ILDR2: variants seen among roughly 807,000 people sequenced by gnomAD.
The protein encoded by ILDR2 is immunoglobulin like domain containing receptor 2.
Under a neutral mutation model 66.8 loss-of-function variants are expected in ILDR2, and 25 were observed. The observed-to-expected ratio is 0.37, with a 90% CI of 0.27 to 0.52. The LOEUF (loss-of-function observed/expected upper bound fraction) is 0.52, where lower values mean the gene tolerates loss of function less well. Among genes scored for constraint, ILDR2 ranks in the 20% least tolerant of loss-of-function variants. The probability of loss-of-function intolerance (pLI) is 0.88; values close to 1 mark genes in which losing one functional copy is unlikely to be tolerated. For missense variants in ILDR2, 827 were observed against 876.8 expected, an observed-to-expected ratio of 0.94 and a Z score of 0.72; for synonymous variants, 367 against 357.2, an observed-to-expected ratio of 1.03 and a Z score of -0.31.
intron 3 of ILDR2, among the ~76,000 whole-genome samples, chr1:166,953,960 C>T (rs1662129830): frequency 6.6e-6 from 1 of 152,208 alleles, no homozygotes; most frequent in Admixed American, 6.5e-5. Context: ...GTGAGATAGA[C>T]TCCCTCCCTT....
chr1:166,915,772 T>C lies in ILDR2; in HGVS notation c.*3583A>G, dbSNP rs1327128366. ...TATTCAGAAATATTTACAGATGTGG[T>C]CAGGTGCCTTGGGTTTGGGTGGCAG... On this transcript the variant is annotated 3_prime_UTR_variant, in exon 10 of 10. Transcript: ENST00000271417. The C allele has an allele frequency of 6.6e-6, 1 of 152,200 alleles. No individual in the cohort carries two copies. Among genetic ancestry groups the C allele is most frequent in the East Asian group, 1.9e-4 (1 of 5,198 alleles). The allele number at this position is 152,200 out of a possible 1,614,324, so 9.4% of individuals were successfully genotyped here.
At chr1:166,957,745 G>C in intron 2 of ILDR2, 24 bp downstream of exon 2, 5 of 1,572,802 alleles carry the variant, frequency 3.2e-6, no homozygotes, top group Non-Finnish European at 4.3e-6. Context: ...CCATTTCCTA[G>C]ATTCAAAATA....
chr1:166,939,598 G>A (rs752982076), intron 3 of ILDR2, 28 bp from the exon 4 acceptor site: 7 of 1,607,532 alleles, frequency 4.4e-6, no homozygotes, highest in Non-Finnish European at 6.0e-6. Flanking sequence ...AAAAGAAGAA[G>A]GAAAGTGGTT....
chr1:166,902,617 A>G (rs970965716), intron 2 of ILDR2, among the ~76,000 whole-genome samples: 7 of 152,260 alleles, frequency 4.6e-5, no homozygotes, highest in African/African-American at 1.7e-4. Flanking sequence ...CACAAGAGGA[A>G]CCAGCATTAG....
Position 166,957,779 on chromosome 1 carries a change from CG to C in ILDR2, c.368del (p.Thr123ArgfsTer151). The C allele has an allele frequency of 6.2e-7, 1 of 1,610,330 alleles. No individual in the cohort carries two copies. The highest frequency in any genetic ancestry group is 8.5e-7 in the Non-Finnish European group (1 of 1,177,056). Reference protein sequence around the residue: ...LGDFYRGREITIVHDADLQIG... With the variant: ...LGDFYRGREIXIVHDADLQIG... The stretch of plus-strand genomic sequence containing the variant: ...TAGGGGCATTATTACCATGAACAAT[CG>C]TGATCTCTCTGCCCCTGTAGAAATC... On this transcript the variant is annotated frameshift_variant, in exon 2 of 10. Transcript: ENST00000271417. LOFTEE classifies it high-confidence loss of function.
intron 3 of ILDR2, among the ~76,000 whole-genome samples, chr1:166,941,813 A>C (rs537516607): frequency 9.2e-5 from 14 of 152,336 alleles, no homozygotes; most frequent in South Asian, 4.1e-4. Context: ...GATCCAAATC[A>C]TTACTTAAAT....
At chr1:166,926,427 A>G (rs182543102) in intron 7 of ILDR2, among the ~76,000 whole-genome samples, 1 of 151,994 alleles carries the variant, frequency 6.6e-6, no homozygotes, top group African/African-American at 2.4e-5. Flanking sequence ...TGACAAGAGG[A>G]TCAGCCTCTT....
At chr1:166,942,232 A>G (rs1183875969) in intron 3 of ILDR2, among the ~76,000 whole-genome samples, 1 of 152,220 alleles carries the variant, frequency 6.6e-6, no homozygotes, top group Non-Finnish European at 1.5e-5. Flanking sequence ...ACAATTAATT[A>G]TGTGGTCACT....
intron 6 of ILDR2, among the ~76,000 whole-genome samples, chr1:166,934,414 C>T (rs773623592): frequency 1.3e-5 from 2 of 152,214 alleles, no homozygotes; most frequent in Admixed American, 6.5e-5. Context: ...TTTACCCACA[C>T]ATTTCACTCC....
At chr1:166,970,093 CA>C (rs1192512450) in intron 1 of ILDR2, among the ~76,000 whole-genome samples, 2 of 152,242 alleles carry the variant, frequency 1.3e-5, no homozygotes, top group Middle Eastern at 3.4e-3. Flanking sequence ...AGTCCCAGAA[CA>C]AAAATTTGGG....
At position 166,908,708 on chromosome 1, in the gene ILDR2, T is replaced by A. The variant is rs563706906; in HGVS notation, c.*10647A>T. On this transcript the variant is annotated 3_prime_UTR_variant, in exon 10 of 10. Transcript: ENST00000271417. ...CCAGGGAGGAGACGAAAGGTCCTAA[T>A]GAAGGCAGTGACACAGAGATGGATT... 2 of 152,274 alleles carry A rather than the reference T, an allele frequency of 1.3e-5. No individual in the cohort carries two copies. The highest frequency in any genetic ancestry group is 2.9e-5 in the Non-Finnish European group (2 of 68,086). 9.4% of individuals were successfully genotyped at this position (152,274 alleles called of 1,614,324 possible).
rs146544194 is a variant in ILDR2, at chr1:166,957,921, C to G, written c.227G>C (p.Arg76Pro). ...GTTTCTCTTGCTGAGAGATTGGGCC[C>G]GGGTAGAGGACATGCCCAAGGATTC... Reference protein sequence around the residue: ...MGESLGMSSTRAQSLSKRNLE... With the variant: ...MGESLGMSSTPAQSLSKRNLE... The change falls in exon 2 of 10, where the codon CGG becomes CCG. Residue 76 changes from arginine to proline, a missense_variant. Arg to Pro is a moderately radical substitution (Grantham distance 103, BLOSUM62 -2). Coordinates refer to ENST00000271417, the MANE Select transcript of ILDR2 (RefSeq NM_199351.3). 2 of 1,614,138 alleles carry G rather than the reference C, an allele frequency of 1.2e-6. No homozygotes were observed. Among genetic ancestry groups the G allele is most frequent in the East Asian group, 4.5e-5 (2 of 44,866 alleles).
intron 1 of ILDR2, among the ~76,000 whole-genome samples, chr1:166,964,035 G>C (rs944572364): frequency 6.6e-6 from 1 of 151,718 alleles, no homozygotes; most frequent in South Asian, 2.1e-4. Context: ...ACTAGAGAGA[G>C]GCACCTTAGG....
chr1:166,961,055 G>A (rs919720686), intron 1 of ILDR2, among the ~76,000 whole-genome samples: 14 of 152,216 alleles, frequency 9.2e-5, no homozygotes, highest in African/African-American at 3.4e-4. Flanking sequence ...CTGCTCCACT[G>A]CTATTCTGGC....
intron 6 of ILDR2, among the ~76,000 whole-genome samples, chr1:166,929,784 C>T (rs985140985): frequency 1.3e-5 from 2 of 152,098 alleles, no homozygotes; most frequent in African/African-American, 4.8e-5. Flanking sequence ...TTATAAGAGA[C>T]TACAACATAT....
At position 166,958,106 on chromosome 1, in the gene ILDR2, A is replaced by G. The variant is rs767457667; in HGVS notation, c.47-5T>C. On this transcript the variant is annotated splice_polypyrimidine_tract_variant and splice_region_variant and intron_variant, in intron 1 of 9. Coordinates refer to ENST00000271417, the MANE Select transcript of ILDR2 (RefSeq NM_199351.3). ...CCTGAAGGCCTTCGACCATGGCTGCAAAACAGAATAAACATGTCCGAACAG... is the reference window on the plus strand; with the variant it reads ...CCTGAAGGCCTTCGACCATGGCTGCGAAACAGAATAAACATGTCCGAACAG... The G allele has an allele frequency of 1.9e-6, 3 of 1,603,924 alleles. No homozygotes were observed. Among genetic ancestry groups the G allele is most frequent in the Admixed American group, 1.7e-5 (1 of 59,848 alleles).
In ILDR2 at chr1:166,919,451, T is replaced by C. The variant is rs1659771406; in HGVS notation, c.1885-61A>G. ...CATGCTAGTTAAAGAAAACAACGAATAACAGATGGTTCTCTGGGCAGAGTC... is the reference window on the plus strand; with the variant it reads ...CATGCTAGTTAAAGAAAACAACGAACAACAGATGGTTCTCTGGGCAGAGTC... On this transcript the variant is annotated intron_variant, in intron 9 of 9. Coordinates refer to ENST00000271417, the MANE Select transcript of ILDR2 (RefSeq NM_199351.3). 5.3e-6 allele frequency: 8 copies of C among 1,499,226 alleles called. 1 individual carries two copies. The South Asian group carries it at 9.5e-5, about 18-fold the overall frequency. The allele number at this position is 1,499,226 out of a possible 1,614,324, so 92.9% of individuals were successfully genotyped here. A position where few individuals can be genotyped will look rare whatever the true frequency, so the allele number is the denominator to read the frequency against.
chr1:166,920,328 T>G (rs1229012332), intron 9 of ILDR2, among the ~76,000 whole-genome samples: 1 of 152,200 alleles, frequency 6.6e-6, no homozygotes, highest in Non-Finnish European at 1.5e-5. Flanking sequence ...GCATCGAAGA[T>G]TCTGCACACA....
downstream of ILDR2, among the ~76,000 whole-genome samples, chr1:166,905,880 C>T (rs776691791): frequency 6.6e-6 from 1 of 152,186 alleles, no homozygotes; most frequent in Non-Finnish European, 1.5e-5. Flanking sequence ...CTTTTGCCCA[C>T]GGCTTATAAG....
Sources: gnomAD v4.1 joint callset for allele counts (sites outside exome capture counted in the v4.1 genomes callset) on GRCh38, gnomAD v4.1.1 for gene constraint, MANE v1.5 for transcripts, NCBI Gene and HGNC (gene_info 2026-07-23, HGNC 2026-07-21) for gene names.